Variants in MYO5A observed in about 807,000 individuals in gnomAD.
MYO5A encodes the protein unconventional myosin-Va.
Under a neutral mutation model 249.7 loss-of-function variants are expected in MYO5A, and 98 were observed. The ratio of observed to expected loss-of-function variants is 0.39; its 90% CI spans 0.33 to 0.46. The LOEUF is 0.46. Ranked by LOEUF, MYO5A falls within the 20% of genes least tolerant of loss-of-function variation. MYO5A has a pLI of 0.98. For synonymous variants in MYO5A, 778 were observed against 810.6 expected (o/e 0.96, Z 0.68); for missense variants, 1,696 against 2,308.8 (o/e 0.73, Z 5.44).
At chr15:52,344,560 T>C (rs919028168) in intron 30 of MYO5A, among the ~76,000 whole-genome samples, 7 of 152,208 alleles carry the variant, frequency 4.6e-5, no homozygotes, top group Admixed American at 3.3e-4. Flanking sequence ...CAATCCTAAC[T>C]GCCACCAGCC....
intron 10 of MYO5A, 72 bp downstream of exon 10, chr15:52,397,129 C>G (rs2042523093): frequency 6.4e-7 from 1 of 1,551,700 alleles, no homozygotes; most frequent in African/African-American, 1.4e-5. Context: ...GAATCAAATG[C>G]CCACTTAGAG....
chr15:52,342,743 C>T (rs151227028), intron 31 of MYO5A, among the ~76,000 whole-genome samples: 2,711 of 151,944 alleles, frequency 0.018, 51 homozygotes, highest in South Asian at 0.058. Flanking sequence ...GGTGAAACCC[C>T]GTCTCTACTA....
At chr15:52,329,921 T>TTTTTTTTTTTTTTTG (rs2038800032) in intron 35 of MYO5A, among the ~76,000 whole-genome samples, 1 of 95,302 alleles carries the variant, frequency 1.0e-5, no homozygotes, top group Admixed American at 1.2e-4. Flanking sequence ...TTTTTTTTTT[T>TTTTTTTTTTTTTTTG]TTTTTTTTTT....
At chr15:52,366,872 T>A (rs879102728) in intron 23 of MYO5A, among the ~76,000 whole-genome samples, 159 bp downstream of exon 23, 1 of 152,234 alleles carries the variant, frequency 6.6e-6, no homozygotes, top group East Asian at 1.9e-4. Context: ...AAATATCTGA[T>A]CTGTTGCCTC....
intron 6 of MYO5A, among the ~76,000 whole-genome samples, chr15:52,409,213 C>G (rs574485094): frequency 6.6e-6 from 1 of 152,158 alleles, no homozygotes; most frequent in Admixed American, 6.5e-5. Flanking sequence ...CACGTACTGA[C>G]CAAGGACCAT....
Position 52,351,376 on chromosome 15 carries a change from G to T in MYO5A, c.3727C>A (p.Pro1243Thr), listed in dbSNP as rs780999907. ...SAPEVTAPGA[P>T]AYRVLMEQLT... is the part of the protein sequence containing the mutation. ...TGCTCCATGAGGACACGGTAGGCAGGTGCACCTGGGGCGGTCACCTCTGGG... is the reference window on the plus strand; with the variant it reads ...TGCTCCATGAGGACACGGTAGGCAGTTGCACCTGGGGCGGTCACCTCTGGG... The change falls in exon 28 of 42, where the codon CCT becomes ACT. Residue 1243 changes from proline to threonine, a missense_variant. Around this residue, in one of 5 missense-constraint regions of MYO5A, gnomAD observed 625 missense variants for 908.1 expected, o/e 0.69. Coordinates refer to ENST00000399233, the MANE Select transcript of MYO5A (RefSeq NM_001382347.1). 1.2e-6 allele frequency: 2 copies of T among 1,614,084 alleles called. No homozygotes were observed. The highest frequency in any genetic ancestry group is 1.7e-6 in the Non-Finnish European group (2 of 1,180,032).
rs56227811 is a variant in MYO5A at position 52,324,002 on chromosome 15, C to CAAAAAAAAAAAAAAAAAAAAAA, written c.4711-580_4711-559dup. 9.9e-5 allele frequency: 4 copies of CAAAAAAAAAAAAAAAAAAAAAA among 40,250 alleles called. 1 individual carries two copies. Among genetic ancestry groups the CAAAAAAAAAAAAAAAAAAAAAA allele is most frequent in the Non-Finnish European group, 2.0e-4 (3 of 14,936 alleles). 2.5% of individuals were successfully genotyped at this position (40,250 alleles called of 1,614,324 possible). Reference sequence around the variant, plus strand: ...CTAGAGACAGAACGAGACTCTGTCTCAAAAAAAAAAAAAAAAAAAAAAAAA... The same window carrying CAAAAAAAAAAAAAAAAAAAAAA: ...CTAGAGACAGAACGAGACTCTGTCTCAAAAAAAAAAAAAAAAAAAAAAAAAAAAAAAAAAAAAAAAAAAAAAA... On this transcript the variant is annotated intron_variant, in intron 36 of 41. Transcript: ENST00000399233.
intron 1 of MYO5A, among the ~76,000 whole-genome samples, chr15:52,507,837 A>C (rs1452406458): frequency 1.3e-5 from 2 of 149,942 alleles, no homozygotes; most frequent in African/African-American, 4.9e-5. Context: ...ATAACTAGAG[A>C]TCTATCTAGG....
rs756593443 is a variant in MYO5A at position 52,405,369 on chromosome 15, C to T, written c.971G>A (p.Gly324Glu). 6.2e-7 allele frequency: 1 copy of T among 1,612,902 alleles called. No individual in the cohort carries two copies. Among genetic ancestry groups the T allele is most frequent in the Non-Finnish European group, 8.5e-7 (1 of 1,179,036 alleles). ...LLGISESHQM[G>E]IFRILAGILH... ...GATGCCAGCAAGTATTCGGAAAATT[C>T]CCATTTGATGAGATTCACTAATTCC... The change falls in exon 9 of 42, where the codon GGA becomes GAA. Residue 324 changes from glycine (G) to glutamate (E), a missense_variant. Gly to Glu is a moderately conservative substitution (Grantham distance 98). Around this residue, in one of 5 missense-constraint regions of MYO5A, gnomAD observed 185 missense variants for 204.8 expected, o/e 0.90. Transcript: ENST00000399233.
At chr15:52,318,506 TG>T (rs2038137225) in intron 39 of MYO5A, among the ~76,000 whole-genome samples, 1 of 145,362 alleles carries the variant, frequency 6.9e-6, no homozygotes, top group African/African-American at 2.5e-5. Flanking sequence ...GTTACAATAA[TG>T]AGGTTATGCT....
chr15:52,523,872 G>A (rs944503506), intron 1 of MYO5A, among the ~76,000 whole-genome samples: 1 of 150,460 alleles, frequency 6.6e-6, no homozygotes, highest in Admixed American at 6.8e-5. Context: ...TCAGAGATGA[G>A]ATTTCTGTTC....
chr15:52,518,041 C>A (rs2077530825), intron 1 of MYO5A, among the ~76,000 whole-genome samples: 1 of 152,032 alleles, frequency 6.6e-6, no homozygotes, highest in African/African-American at 2.4e-5. Context: ...TTAATTTCTT[C>A]CTACTTGTTC....
At chr15:52,331,301 T>C (rs761305365) in intron 34 of MYO5A, among the ~76,000 whole-genome samples, 28 of 152,214 alleles carry the variant, frequency 1.8e-4, no homozygotes, top group Non-Finnish European at 3.5e-4. Flanking sequence ...TAGTCACTAT[T>C]GTCAAGGGCA....
At chr15:52,449,547 C>T (rs1395170880) in intron 1 of MYO5A, among the ~76,000 whole-genome samples, 1 of 152,084 alleles carries the variant, frequency 6.6e-6, no homozygotes, top group Non-Finnish European at 1.5e-5. Context: ...ACCCTGGCAG[C>T]CTACCTGGAA....
Position 52,319,157 on chromosome 15 carries a change from C to A in MYO5A, c.5137G>T (p.Val1713Leu), listed in dbSNP as rs769896407. The change falls in exon 39 of 42, where the codon GTG (valine) becomes TTG (leucine). Residue 1713 changes from valine (V) to leucine (L), a missense_variant. Physicochemically the swap from Val to Leu is conservative, Grantham distance 32. Coordinates refer to ENST00000399233, the MANE Select transcript of MYO5A (RefSeq NM_001382347.1). ...HGMDPELIKQ[V>L]VKQMFYIIGA... Reference sequence around the variant, plus strand: ...ATGATGTAGAACATCTGCTTGACCACCTGCTTGATCAGTTCAGGGTCCATG... The same window carrying A: ...ATGATGTAGAACATCTGCTTGACCAACTGCTTGATCAGTTCAGGGTCCATG... 6.2e-7 allele frequency: 1 copy of A among 1,614,060 alleles called. No individual in the cohort carries two copies. The highest frequency in any genetic ancestry group is 8.5e-7 in the Non-Finnish European group (1 of 1,180,032).
At chr15:52,396,180 C>A in intron 11 of MYO5A, 136 bp downstream of exon 11, 1 of 646,464 alleles carries the variant, frequency 1.5e-6, no homozygotes, top group Non-Finnish European at 2.8e-6. Context: ...TTGTACCATT[C>A]ATTAATCGTC....
intron 1 of MYO5A, among the ~76,000 whole-genome samples, chr15:52,466,441 CAA>C (rs1347836210): frequency 6.6e-6 from 1 of 152,186 alleles, no homozygotes; most frequent in Non-Finnish European, 1.5e-5. Context: ...TCCTATAGCC[CAA>C]GACTGCACTG....
At chr15:52,339,156 C>T (rs773235238) in intron 32 of MYO5A, among the ~76,000 whole-genome samples, 2 of 152,180 alleles carry the variant, frequency 1.3e-5, no homozygotes, top group Non-Finnish European at 1.5e-5. Context: ...AATACCTTTG[C>T]GTTTTGCTTC....
At chr15:52,320,288 G>A (rs531676304) in intron 38 of MYO5A, among the ~76,000 whole-genome samples, 9 of 152,340 alleles carry the variant, frequency 5.9e-5, no homozygotes, top group South Asian at 4.1e-4. Flanking sequence ...CAAAGGCCAC[G>A]TCTGGTTCAT....
Sources: allele counts gnomAD v4.1 joint callset (sites outside exome capture counted in the v4.1 genomes callset), GRCh38; gene constraint gnomAD v4.1.1; regional missense constraint gnomAD v4.1.1; transcripts MANE v1.5; gene names NCBI Gene and HGNC (gene_info 2026-07-23, HGNC 2026-07-21).